SYT14: variants seen among roughly 807,000 people sequenced by gnomAD.
SYT14 encodes synaptotagmin 14.
A neutral mutation model predicts 74.2 loss-of-function variants in SYT14; 32 were observed. That is an observed-to-expected ratio of 0.43 (90% CI 0.33 to 0.58). The LOEUF is 0.58. Among genes scored for constraint, SYT14 ranks in the 20% least tolerant of loss-of-function variants. The pLI is 0.05. For missense variants in SYT14, 791 were observed against 981.8 expected, an observed-to-expected ratio of 0.81 and a Z score of 2.60; for synonymous variants, 298 against 337.7, an observed-to-expected ratio of 0.88 and a Z score of 1.29.
intron 5 of SYT14, among the ~76,000 whole-genome samples, chr1:210,072,380 T>C (rs538568053): frequency 9.2e-5 from 14 of 152,076 alleles, no homozygotes; most frequent in African/African-American, 3.4e-4. Flanking sequence ...CATAAAAGGT[T>C]CAGGCATATG....
Position 210,016,164 on chromosome 1 carries a change from TTCGCCCAG to T in SYT14, c.162_169del (p.Phe54LeufsTer15), listed in dbSNP as rs1160202184. On this transcript the variant is annotated frameshift_variant, in exon 4 of 10. Coordinates refer to ENST00000637265, the Ensembl canonical transcript of SYT14. LOFTEE classifies it high-confidence loss of function. Reference sequence around the variant, plus strand: ...CAGGTAACAAGTATGATGAGTGGCTTTCGCCCAGAAGAGGAAAGCTCTGTAGCAGAAGA... The same window carrying T: ...CAGGTAACAAGTATGATGAGTGGCTTAAGAGGAAAGCTCTGTAGCAGAAGA... 1 of 1,231,994 alleles carries T rather than the reference TTCGCCCAG, an allele frequency of 8.1e-7. No homozygotes were observed. Among genetic ancestry groups the T allele is most frequent in the Non-Finnish European group, 1.0e-6 (1 of 987,964 alleles). The allele number at this position is 1,231,994 out of a possible 1,614,324, so 76.3% of individuals were successfully genotyped here. A position where few individuals can be genotyped will look rare whatever the true frequency, so the allele number is the denominator to read the frequency against.
At chr1:210,130,918 G>A (rs1051109464) in intron 7 of SYT14, among the ~76,000 whole-genome samples, 2 of 152,090 alleles carry the variant, frequency 1.3e-5, no homozygotes, top group Admixed American at 6.6e-5. Context: ...CATTATATTT[G>A]TCGGTAACTT....
At chr1:210,012,808 T>A (rs1268330605) in intron 2 of SYT14, among the ~76,000 whole-genome samples, 1 of 151,160 alleles carries the variant, frequency 6.6e-6, no homozygotes, top group Non-Finnish European at 1.5e-5. Flanking sequence ...TTTAAGTGAG[T>A]CTCCTGCCTC....
At chr1:210,153,971 T>G (rs1465672222) in intron 7 of SYT14, among the ~76,000 whole-genome samples, 1 of 152,192 alleles carries the variant, frequency 6.6e-6, no homozygotes, top group African/African-American at 2.4e-5. Context: ...CCTTATTAGA[T>G]TTTGGTTTTA....
At chr1:210,097,301 G>C (rs1483656986) in intron 6 of SYT14, among the ~76,000 whole-genome samples, 1 of 152,156 alleles carries the variant, frequency 6.6e-6, no homozygotes, top group African/African-American at 2.4e-5. Flanking sequence ...AACTGAGAGA[G>C]GAGAGAAGGT....
At chr1:210,093,107 GTTTTTC>G (rs1376779702) in intron 5 of SYT14, among the ~76,000 whole-genome samples, 1 of 151,356 alleles carries the variant, frequency 6.6e-6, no homozygotes, top group Non-Finnish European at 1.5e-5. Context: ...AAGACATTTA[GTTTTTC>G]TTTTTTTTTT....
Position 210,032,932 on chromosome 1 carries a change from A to AT in SYT14, c.1312+11688dup, listed in dbSNP as rs139902336. On this transcript the variant is annotated intron_variant, in intron 5 of 9. Coordinates refer to ENST00000637265, the Ensembl canonical transcript of SYT14. ...TACTCCCCAAATTATTGCATTTTCAATTTTTTTTTTGCCTTAAAACTGAGT... is the reference window on the plus strand; with the variant it reads ...TACTCCCCAAATTATTGCATTTTCAATTTTTTTTTTTGCCTTAAAACTGAGT... Among the ~76,000 whole-genome samples, 3,207 of 149,508 alleles carry AT rather than the reference A, an allele frequency of 0.021. 199 individuals are homozygous for AT. The East Asian group carries it at 0.25, about 12-fold the overall frequency.
intron 2 of SYT14, among the ~76,000 whole-genome samples, chr1:209,957,312 C>T (rs553721187): frequency 2.0e-5 from 3 of 152,162 alleles, no homozygotes; most frequent in African/African-American, 7.2e-5. Flanking sequence ...GGTGGGAGCA[C>T]GAGAGATTGC....
chr1:209,946,423 G>A (rs1479892853), intron 1 of SYT14, among the ~76,000 whole-genome samples: 3 of 152,202 alleles, frequency 2.0e-5, no homozygotes, highest in African/African-American at 2.4e-5. Flanking sequence ...TGACAGGAAG[G>A]CTTAACAGCC....
intron 7 of SYT14, among the ~76,000 whole-genome samples, chr1:210,114,470 A>G (rs2082320610): frequency 6.6e-6 from 1 of 151,184 alleles, no homozygotes; most frequent in Non-Finnish European, 1.5e-5. Context: ...GCTGGAATTT[A>G]ATTTTTGGAG....
At chr1:210,114,571 C>T (rs2082322589) in intron 7 of SYT14, among the ~76,000 whole-genome samples, 2 of 151,176 alleles carry the variant, frequency 1.3e-5, no homozygotes, top group South Asian at 4.2e-4. Flanking sequence ...GGCTGTAAAG[C>T]ATCTAAGGGT....
intron 5 of SYT14, among the ~76,000 whole-genome samples, chr1:210,066,080 T>A (rs1158316281): frequency 6.6e-6 from 1 of 151,416 alleles, no homozygotes; most frequent in African/African-American, 2.4e-5. Context: ...GGCTGCATAG[T>A]ATTCCATGGT....
rs560152006 is a variant in SYT14 at position 209,990,528 on chromosome 1, T to C, written c.-485-23105T>C. Among the ~76,000 whole-genome samples the C allele has an allele frequency of 2.2e-4, 15 of 69,482 alleles. No individual in the cohort carries two copies. The South Asian group carries it at 5.0e-3, about 23-fold the overall frequency. The allele number at this position is 69,482 out of a possible 152,430, so 45.6% of individuals were successfully genotyped here. On this transcript the variant is annotated intron_variant, in intron 2 of 9. Transcript: ENST00000637265. ...TAAGGATGAAGGAATATTTCACATATATATATATACGTATATATATGTATA... is the reference window on the plus strand; with the variant it reads ...TAAGGATGAAGGAATATTTCACATACATATATATACGTATATATATGTATA...
chr1:210,027,099 T>C (rs2080429582), intron 5 of SYT14, among the ~76,000 whole-genome samples: 1 of 152,214 alleles, frequency 6.6e-6, no homozygotes. Context: ...GAAGCCTTTA[T>C]TGATAATATT....
chr1:210,127,013 A>T (rs1572347366), intron 7 of SYT14, among the ~76,000 whole-genome samples: 2 of 152,190 alleles, frequency 1.3e-5, no homozygotes, highest in Admixed American at 6.5e-5. Context: ...ATGGCTGTTG[A>T]GTGGGCAGGG....
intron 2 of SYT14, among the ~76,000 whole-genome samples, chr1:209,989,710 AG>A (rs1320314918): frequency 6.6e-6 from 1 of 152,114 alleles, no homozygotes; most frequent in Non-Finnish European, 1.5e-5. Flanking sequence ...TGAGCATGTC[AG>A]GGGAATTATA....
At chr1:210,097,570 C>T (rs2081988980) in intron 6 of SYT14, among the ~76,000 whole-genome samples, 1 of 151,702 alleles carries the variant, frequency 6.6e-6, no homozygotes, top group Admixed American at 6.6e-5. Context: ...TCAAAAATAG[C>T]TATCTAGGAC....
At chr1:209,951,232 A>G (rs570320408) in intron 1 of SYT14, among the ~76,000 whole-genome samples, 53 of 152,288 alleles carry the variant, frequency 3.5e-4, no homozygotes, top group African/African-American at 1.1e-3. Flanking sequence ...CTCCTCATCT[A>G]TCTGAAACTT....
chr1:209,967,231 A>G (rs2079170605), intron 2 of SYT14, among the ~76,000 whole-genome samples: 2 of 152,004 alleles, frequency 1.3e-5, no homozygotes, highest in South Asian at 4.1e-4. Context: ...ATTTGTTAAG[A>G]CTTTTCGTGT....
Sources: allele counts gnomAD v4.1 joint callset (sites outside exome capture counted in the v4.1 genomes callset), GRCh38; gene constraint gnomAD v4.1.1; transcripts MANE v1.5; gene names NCBI Gene and HGNC (gene_info 2026-07-23, HGNC 2026-07-21).